The following KYNU variants were observed in gnomAD, a reference collection of about 807,000 sequenced individuals.
KYNU encodes the protein kynureninase, also known as L-kynurenine hydrolase.
Under a neutral mutation model 59.2 loss-of-function variants are expected in KYNU, and 54 were observed. The observed-to-expected ratio is 0.91, with a 90% CI of 0.73 to 1.14. The LOEUF is 1.14. KYNU is among the 50% of genes most tolerant of loss of function. The pLI is 0.00. For synonymous variants in KYNU, 177 were observed against 192.0 expected (o/e 0.92, Z 0.65); for missense variants, 567 against 554.4 (o/e 1.02, Z -0.23).
chr2:142,989,882 C>G (rs1685344922), intron 10 of KYNU: 1 of 151,744 alleles, frequency 6.6e-6, no homozygotes, highest in South Asian at 2.1e-4. Context: ...TGAAATAGTC[C>G]TTTATGTGAT....
chr2:143,044,066 A>G lies in KYNU; in HGVS notation c.*1894A>G, dbSNP rs1477070082. 1 of 151,838 alleles carries G rather than the reference A, an allele frequency of 6.6e-6. No individual in the cohort carries two copies. Among genetic ancestry groups the G allele is most frequent in the Non-Finnish European group, 1.5e-5 (1 of 67,970 alleles). 9.4% of individuals were successfully genotyped at this position (151,838 alleles called of 1,614,324 possible). A position where few individuals can be genotyped will look rare whatever the true frequency, so the allele number is the denominator to read the frequency against. On this transcript the variant is annotated 3_prime_UTR_variant, in exon 14 of 14. Transcript: ENST00000264170. ...TGTTCTCATTGTTCAACTCTCACTT[A>G]TGGGTAAGAACATGCAGTGTTTGAT... is the stretch of plus-strand genomic sequence containing the variant.
At chr2:142,939,428 G>A (rs533446470) in intron 4 of KYNU, among the ~76,000 whole-genome samples, 2 of 151,294 alleles carry the variant, frequency 1.3e-5, no homozygotes, top group Non-Finnish European at 2.9e-5. Flanking sequence ...ATGGTGAAAC[G>A]CTGTCTCTAC....
intron 4 of KYNU, chr2:142,947,357 G>A: frequency 1.1e-6 from 1 of 877,422 alleles, no homozygotes; most frequent in Non-Finnish European, 1.7e-6. Flanking sequence ...TCCTCTTCAA[G>A]CTTACTGTAC....
chr2:142,916,351 G>A lies in KYNU; in HGVS notation c.170-2258G>A, dbSNP rs193150352. On this transcript the variant is annotated intron_variant, in intron 2 of 13. Transcript: ENST00000264170. The stretch of plus-strand genomic sequence containing the variant: ...ATCTCTGCCTTCTTTTTGGAATAAA[G>A]TTTTTAGGATCACTGCCACATTTAT... Among the ~76,000 whole-genome samples the A allele has an allele frequency of 7.7e-3, 1,178 of 152,232 alleles. 10 individuals carry two copies. Among genetic ancestry groups the A allele is most frequent in the Middle Eastern group, 0.02 (6 of 294 alleles).
rs186378087 is a variant in KYNU, at chr2:142,909,247, C to T, written c.170-9362C>T. Among the ~76,000 whole-genome samples, 27 of 151,486 alleles carry T rather than the reference C, an allele frequency of 1.8e-4. 1 individual carries two copies. In the East Asian group the frequency reaches 5.0e-3, roughly 28 times the overall value. On this transcript the variant is annotated intron_variant, in intron 2 of 13. Transcript: ENST00000264170. ...TTACACAAAGACTTTAACATAATTA[C>T]AATTCAGATTAAAATTAGCTTTATT... is the stretch of plus-strand genomic sequence containing the variant.
chr2:142,928,008 A>G (rs916494763), intron 4 of KYNU, among the ~76,000 whole-genome samples: 1 of 152,140 alleles, frequency 6.6e-6, no homozygotes, highest in Non-Finnish European at 1.5e-5. Flanking sequence ...ATCACACATG[A>G]AAAACACATA....
intron 2 of KYNU, among the ~76,000 whole-genome samples, chr2:142,898,328 G>A (rs1338579006): frequency 2.0e-5 from 3 of 151,516 alleles, no homozygotes; most frequent in Non-Finnish European, 4.4e-5. Context: ...CCAATCCCAG[G>A]ACTTTGCTTC....
At chr2:142,957,252 C>CT (rs987531804) in intron 6 of KYNU, among the ~76,000 whole-genome samples, 3 of 151,688 alleles carry the variant, frequency 2.0e-5, no homozygotes, top group Admixed American at 6.6e-5. Flanking sequence ...TTCTTAATGC[C>CT]TTTTTTTTAG....
intron 2 of KYNU, among the ~76,000 whole-genome samples, chr2:142,890,187 T>C (rs1034158043): frequency 4.0e-5 from 6 of 151,382 alleles, no homozygotes; most frequent in Non-Finnish European, 7.4e-5. Flanking sequence ...AAGGAAGATA[T>C]AAGAAAGAAA....
At chr2:142,984,015 A>G (rs1451235243) in intron 8 of KYNU, among the ~76,000 whole-genome samples, 1 of 152,026 alleles carries the variant, frequency 6.6e-6, no homozygotes, top group Non-Finnish European at 1.5e-5. Context: ...AATTTTGTGT[A>G]TTCTTTGATA....
intron 10 of KYNU, among the ~76,000 whole-genome samples, chr2:142,993,382 A>G (rs1482679341): frequency 6.6e-6 from 1 of 151,936 alleles, no homozygotes; most frequent in Admixed American, 6.6e-5. Context: ...CATTATAAAC[A>G]GTGGTAAAAT....
At chr2:142,998,054 C>T (rs934489204) in intron 10 of KYNU, among the ~76,000 whole-genome samples, 7 of 152,170 alleles carry the variant, frequency 4.6e-5, no homozygotes, top group Non-Finnish European at 1.0e-4. Flanking sequence ...GAACACACAG[C>T]ATATTAATAT....
intron 3 of KYNU, among the ~76,000 whole-genome samples, chr2:142,927,417 T>C (rs1683078374): frequency 6.6e-6 from 1 of 151,348 alleles, no homozygotes; most frequent in South Asian, 2.1e-4. Flanking sequence ...AATATTAAAA[T>C]AACATATGAA....
chr2:142,955,836 C>T (rs1462176315), intron 5 of KYNU, among the ~76,000 whole-genome samples: 4 of 152,018 alleles, frequency 2.6e-5, no homozygotes, highest in African/African-American at 4.8e-5. Context: ...AGTGTCATGC[C>T]ATCAAAATTA....
chr2:142,912,698 T>C (rs565921316), intron 2 of KYNU, among the ~76,000 whole-genome samples: 1 of 145,592 alleles, frequency 6.9e-6, no homozygotes, highest in Admixed American at 6.9e-5. Flanking sequence ...TGTATTTCTT[T>C]CTTCCTTTTT....
At chr2:142,877,861 TC>T (rs1310660178) in intron 1 of KYNU, 125 bp downstream of exon 1, 3 of 152,216 alleles carry the variant, frequency 2.0e-5, no homozygotes, top group Non-Finnish European at 4.4e-5. Flanking sequence ...GCTACTCTCT[TC>T]TTTTTTTATA....
chr2:142,889,523 G>T (rs116305853), intron 2 of KYNU, among the ~76,000 whole-genome samples: 295 of 150,938 alleles, frequency 2.0e-3, no homozygotes, highest in Non-Finnish European at 3.4e-3. Flanking sequence ...CAGGGCAGGG[G>T]ATTGGAGAAG....
chr2:143,025,145 C>G (rs1686515859), intron 10 of KYNU, among the ~76,000 whole-genome samples: 2 of 151,940 alleles, frequency 1.3e-5, no homozygotes, highest in African/African-American at 4.8e-5. Flanking sequence ...TTTTACTTGG[C>G]TTTTTCCAAA....
In KYNU at chr2:143,024,819, A is replaced by G. The variant is rs113251727; in HGVS notation, c.903-4808A>G. 5.8e-3 allele frequency among the ~76,000 whole-genome samples: 888 copies of G among 152,182 alleles called. 9 individuals are homozygous for G. Among genetic ancestry groups the G allele is most frequent in the African/African-American group, 0.02 (826 of 41,572 alleles). ...TTTCCTCAAAGTTGTCTTGAATTAT[A>G]ACTTTAAAAAATATTCTTCTCAGGC... On this transcript the variant is annotated intron_variant, in intron 10 of 13. Transcript: ENST00000264170.
Sources: allele counts gnomAD v4.1 joint callset (sites outside exome capture counted in the v4.1 genomes callset), GRCh38; gene constraint gnomAD v4.1.1; transcripts MANE v1.5; gene names NCBI Gene and HGNC (gene_info 2026-07-23, HGNC 2026-07-21).